Variants in TRPM3 observed in about 807,000 individuals in gnomAD.
TRPM3 encodes the protein transient receptor potential cation channel subfamily M member 3, also known as long transient receptor potential channel 3.
In TRPM3, 77 loss-of-function variants were observed where a neutral mutation model predicts 181.2. The observed-to-expected ratio is 0.42, with a 90% CI of 0.35 to 0.51. The LOEUF (loss-of-function observed/expected upper bound fraction) is 0.51, where lower values mean the gene tolerates loss of function less well. TRPM3 is among the 20% of genes least tolerant of loss of function. The pLI is 0.01. For missense variants in TRPM3, 1,759 were observed against 2,196.7 expected (o/e 0.80, Z 3.98); for synonymous variants, 745 against 796.4 (o/e 0.94, Z 1.09).
intron 1 of TRPM3, among the ~76,000 whole-genome samples, chr9:71,361,591 G>A (rs766669931): frequency 1.3e-4 from 20 of 152,154 alleles, no homozygotes; most frequent in Non-Finnish European, 2.4e-4. Flanking sequence ...AGAGAGCAAG[G>A]TTTATTCTCT....
intron 1 of TRPM3, among the ~76,000 whole-genome samples, chr9:71,104,534 G>A (rs2069083813): frequency 6.6e-6 from 1 of 152,132 alleles, no homozygotes. Flanking sequence ...TATTCAACCT[G>A]TCTCAATCAC....
intron 1 of TRPM3, among the ~76,000 whole-genome samples, chr9:71,339,637 C>T (rs1296975688): frequency 2.0e-5 from 3 of 152,080 alleles, no homozygotes; most frequent in African/African-American, 7.2e-5. Context: ...AATATTAGAT[C>T]TGTTCATCAT....
Position 71,030,040 on chromosome 9 carries a change from T to C in TRPM3, c.177+91138A>G, listed in dbSNP as rs74847228. On this transcript the variant is annotated intron_variant, in intron 1 of 25. Transcript: ENST00000677713. Reference sequence around the variant, plus strand: ...TTCACATTCTCTTTCAACTGACTCATATACCTTTAAATAAAGTATAAGATC... The same window carrying C: ...TTCACATTCTCTTTCAACTGACTCACATACCTTTAAATAAAGTATAAGATC... 4.9e-3 allele frequency among the ~76,000 whole-genome samples: 751 copies of C among 152,332 alleles called. 19 individuals carry two copies. In the East Asian group the frequency reaches 0.077, roughly 16 times the overall value.
intron 20 of TRPM3, among the ~76,000 whole-genome samples, chr9:70,601,831 A>C (rs747414483): frequency 1.4e-4 from 22 of 152,092 alleles, no homozygotes; most frequent in Non-Finnish European, 2.5e-4. Flanking sequence ...AGAGACTCCA[A>C]TCTCCCTGCT....
chr9:70,943,234 G>A (rs548616053), intron 1 of TRPM3, among the ~76,000 whole-genome samples: 2 of 152,304 alleles, frequency 1.3e-5, no homozygotes, highest in African/African-American at 4.8e-5. Context: ...ACATTTAGAT[G>A]TAAGTATTTG....
chr9:70,807,932 C>A (rs1025462382), intron 6 of TRPM3, among the ~76,000 whole-genome samples: 5 of 151,862 alleles, frequency 3.3e-5, no homozygotes, highest in African/African-American at 1.2e-4. Flanking sequence ...AGGTTTTGGC[C>A]AGGTAGTTAG....
rs1301360047 is a variant in TRPM3, at chr9:70,530,955, C to T, written c.*4998G>A. The T allele has an allele frequency of 6.6e-6, 1 of 152,176 alleles. No individual in the cohort carries two copies. The highest frequency in any genetic ancestry group is 1.5e-5 in the Non-Finnish European group (1 of 68,032). 9.4% of individuals were successfully genotyped at this position (152,176 alleles called of 1,614,324 possible). A position where few individuals can be genotyped will look rare whatever the true frequency, so the allele number is the denominator to read the frequency against. On this transcript the variant is annotated 3_prime_UTR_variant, in exon 26 of 26. Coordinates refer to ENST00000677713, the MANE Select transcript of TRPM3 (RefSeq NM_001366145.2). ...AAAAGAGTAAACTCTTTAGAACCAC[C>T]CAGTGCTTCATCAGACACCCAAACA...
At chr9:71,135,255 T>C (rs560354322) in intron 1 of TRPM3, among the ~76,000 whole-genome samples, 3 of 152,304 alleles carry the variant, frequency 2.0e-5, no homozygotes, top group Admixed American at 6.5e-5. Context: ...TTTCTCTTTA[T>C]ACAAATCCTT....
intron 1 of TRPM3, among the ~76,000 whole-genome samples, chr9:71,132,473 T>C (rs1377243469): frequency 1.3e-5 from 2 of 152,164 alleles, no homozygotes; most frequent in Non-Finnish European, 2.9e-5. Context: ...TTCGGGAGAT[T>C]AAATCAACTA....
At chr9:70,958,119 T>C (rs148589124) in intron 1 of TRPM3, among the ~76,000 whole-genome samples, 1,842 of 152,254 alleles carry the variant, frequency 0.012, 38 homozygotes, top group African/African-American at 0.042. Context: ...GAGTGCTCCC[T>C]GATAATGGCT....
At chr9:71,108,803 T>TA (rs1380010279) in intron 1 of TRPM3, among the ~76,000 whole-genome samples, 1 of 152,174 alleles carries the variant, frequency 6.6e-6, no homozygotes, top group Middle Eastern at 3.2e-3. Context: ...AATTTTTATT[T>TA]AAGTTATCAT....
chr9:70,917,413 C>T (rs1415109943), intron 1 of TRPM3: 2 of 838,178 alleles, frequency 2.4e-6, no homozygotes, highest in African/African-American at 1.7e-5. Flanking sequence ...ACACCACCTC[C>T]ACCTGCTCAG....
At chr9:70,558,600 TC>T (rs1245148142) in intron 22 of TRPM3, among the ~76,000 whole-genome samples, 1 of 152,188 alleles carries the variant, frequency 6.6e-6, no homozygotes, top group African/African-American at 2.4e-5. Flanking sequence ...CCAAGTGGGA[TC>T]TTTGACTCAG....
At chr9:71,356,397 G>T (rs1411865647) in intron 1 of TRPM3, among the ~76,000 whole-genome samples, 1 of 151,934 alleles carries the variant, frequency 6.6e-6, no homozygotes, top group African/African-American at 2.4e-5. Context: ...AACCATTTTT[G>T]TATGGTGTCT....
intron 1 of TRPM3, among the ~76,000 whole-genome samples, chr9:71,079,182 T>C (rs1470043984): frequency 1.3e-5 from 2 of 152,174 alleles, no homozygotes; most frequent in Non-Finnish European, 2.9e-5. Context: ...TGTTTGACTA[T>C]ATCTATCAGA....
intron 1 of TRPM3, among the ~76,000 whole-genome samples, chr9:71,211,464 C>G (rs2079502695): frequency 1.3e-5 from 2 of 151,630 alleles, no homozygotes; most frequent in Admixed American, 1.3e-4. Context: ...TATTCGTTTC[C>G]TAGGGCTGTG....
intron 1 of TRPM3, among the ~76,000 whole-genome samples, chr9:71,356,691 G>A (rs2091909950): frequency 6.6e-6 from 1 of 152,154 alleles, no homozygotes; most frequent in African/African-American, 2.4e-5. Context: ...GCTAGCAATT[G>A]TTATTGTGAA....
intron 1 of TRPM3, among the ~76,000 whole-genome samples, chr9:71,425,192 A>G (rs1192998492): frequency 1.3e-5 from 2 of 152,044 alleles, no homozygotes; most frequent in Non-Finnish European, 2.9e-5. Context: ...TCTATGTACT[A>G]TCATCCTAAT....
chr9:70,978,484 C>A (rs141382820), intron 1 of TRPM3, among the ~76,000 whole-genome samples: 2 of 152,108 alleles, frequency 1.3e-5, no homozygotes, highest in Non-Finnish European at 2.9e-5. Flanking sequence ...TCAAAACTTA[C>A]GCTCTTTCTC....
Sources: gnomAD v4.1 joint callset for allele counts (sites outside exome capture counted in the v4.1 genomes callset) on GRCh38, gnomAD v4.1.1 for gene constraint, MANE v1.5 for transcripts, NCBI Gene and HGNC (gene_info 2026-07-23, HGNC 2026-07-21) for gene names.